Variants in GALNT14 observed in about 807,000 individuals in gnomAD.
GALNT14 encodes UDP-GalNAc:polypeptide N-acetylgalactosaminyltransferase 14.
Under a neutral mutation model 77.5 loss-of-function variants are expected in GALNT14, and 60 were observed. The observed-to-expected ratio is 0.77, with a 90% CI of 0.63 to 0.96. The LOEUF (loss-of-function observed/expected upper bound fraction) is 0.96, where lower values mean the gene tolerates loss of function less well. Among genes scored for constraint, GALNT14 ranks in the 40% least tolerant of loss-of-function variants. The pLI is 0.00. For missense variants in GALNT14, 710 were observed against 731.0 expected, an observed-to-expected ratio of 0.97 and a Z score of 0.33; for synonymous variants, 280 against 281.7, an observed-to-expected ratio of 0.99 and a Z score of 0.06.
At chr2:31,129,332 A>T in intron 1 of GALNT14, 6 of 974,762 alleles carry the variant, frequency 6.2e-6, no homozygotes, top group Non-Finnish European at 7.3e-6. Flanking sequence ...AATGCTTTGT[A>T]AACTGTAAAA....
chr2:31,098,100 G>T (rs1330690565), intron 1 of GALNT14, among the ~76,000 whole-genome samples: 1 of 152,144 alleles, frequency 6.6e-6, no homozygotes, highest in Non-Finnish European at 1.5e-5. Flanking sequence ...TTAAAAAGCT[G>T]CAAAACAAGC....
intron 1 of GALNT14, among the ~76,000 whole-genome samples, chr2:31,053,532 A>T (rs779368889): frequency 6.6e-6 from 1 of 151,800 alleles, no homozygotes; most frequent in Non-Finnish European, 1.5e-5. Context: ...TTTGATCAAG[A>T]CCACTCTTCA....
chr2:30,909,218 TTAAAC>T (rs1176706261), downstream of GALNT14, among the ~76,000 whole-genome samples: 5 of 149,798 alleles, frequency 3.3e-5, no homozygotes, highest in Admixed American at 6.6e-5. Context: ...TGGGATCTAA[TTAAAC>T]TAAAGAGCTT....
chr2:30,955,858 C>T, intron 5 of GALNT14, 54 bp downstream of exon 5: 4 of 1,611,632 alleles, frequency 2.5e-6, no homozygotes, highest in Non-Finnish European at 2.5e-6. Flanking sequence ...ACCATCACAC[C>T]TTCGACCCCC....
At chr2:30,895,264 T>C in the GALNT14 span, among the ~76,000 whole-genome samples, 87 of 152,100 alleles carry the variant, frequency 5.7e-4, no homozygotes, top group Non-Finnish European at 1.5e-5. Flanking sequence ...TTACACACAG[T>C]AGGGGTGGGG....
intron 1 of GALNT14, among the ~76,000 whole-genome samples, chr2:31,083,215 G>A (rs1383562673): frequency 1.3e-5 from 2 of 152,158 alleles, no homozygotes; most frequent in African/African-American, 4.8e-5. Flanking sequence ...TGCCCAGCCT[G>A]ACTGACATGG....
chr2:30,975,254 CAA>C (rs1368119249), intron 2 of GALNT14, among the ~76,000 whole-genome samples: 1 of 152,102 alleles, frequency 6.6e-6, no homozygotes, highest in Non-Finnish European at 1.5e-5. Flanking sequence ...TCTTGTTTAC[CAA>C]AGTTCCAAGA....
intron 2 of GALNT14, among the ~76,000 whole-genome samples, chr2:30,989,579 T>TATATATATATATACACAC (rs1553351610): frequency 1.6e-5 from 2 of 127,218 alleles, no homozygotes; most frequent in South Asian, 4.7e-4. Context: ...TATATATATA[T>TATATATATATATACACAC]ATAAAAATAT....
At chr2:30,903,981 T>G in the GALNT14 span, among the ~76,000 whole-genome samples, 1 of 152,178 alleles carries the variant, frequency 6.6e-6, no homozygotes, top group Non-Finnish European at 1.5e-5. Context: ...AGTAAGAAAC[T>G]TCTATGCTAA....
chr2:30,906,201 A>G (rs1464704823), downstream of GALNT14, among the ~76,000 whole-genome samples: 2 of 151,030 alleles, frequency 1.3e-5, no homozygotes, highest in Non-Finnish European at 3.0e-5. Flanking sequence ...GATCAAATTC[A>G]CACATAACAA....
In GALNT14 at chr2:30,993,139, C is replaced by A. The variant is rs115992977; in HGVS notation, c.130-132G>T. The stretch of plus-strand genomic sequence containing the variant: ...TTTGGCTCAAAGATGGGGTCAGAAG[C>A]AGAACATAAACTAAACCATCAGCAA... On this transcript the variant is annotated intron_variant, in intron 1 of 14. Coordinates refer to ENST00000349752, the MANE Select transcript of GALNT14 (RefSeq NM_024572.4). The A allele has an allele frequency of 1.1e-3, 977 of 861,008 alleles. 4 individuals are homozygous for A. The African/African-American group carries it at 0.015, about 13-fold the overall frequency. 53.3% of individuals were successfully genotyped at this position (861,008 alleles called of 1,614,324 possible). A position where few individuals can be genotyped will look rare whatever the true frequency, so the allele number is the denominator to read the frequency against.
chr2:30,908,289 C>T (rs1664198516), downstream of GALNT14, among the ~76,000 whole-genome samples: 1 of 152,206 alleles, frequency 6.6e-6, no homozygotes, highest in Non-Finnish European at 1.5e-5. Context: ...TTGCAGATGA[C>T]ATGATTGTAT....
At chr2:30,940,726 G>A (rs1196927930) in intron 9 of GALNT14, among the ~76,000 whole-genome samples, 1 of 152,090 alleles carries the variant, frequency 6.6e-6, no homozygotes, top group East Asian at 1.9e-4. Flanking sequence ...AACACCAAAG[G>A]TCCACCTGCT....
chr2:31,083,685 C>T (rs1024718286), intron 1 of GALNT14, among the ~76,000 whole-genome samples: 2 of 152,184 alleles, frequency 1.3e-5, no homozygotes, highest in African/African-American at 4.8e-5. Context: ...GATCTGCTGC[C>T]TCCTTGGACG....
intron 13 of GALNT14, among the ~76,000 whole-genome samples, chr2:30,919,943 TGGG>T (rs1419321169): frequency 6.6e-6 from 1 of 152,132 alleles, no homozygotes. Flanking sequence ...GACCTTGACA[TGGG>T]GGTACAACCT....
intron 1 of GALNT14, among the ~76,000 whole-genome samples, chr2:31,050,219 A>AT (rs1411958820): frequency 6.6e-6 from 1 of 152,220 alleles, no homozygotes; most frequent in Non-Finnish European, 1.5e-5. Context: ...AAGCATCAGC[A>AT]ACAGCCAGCT....
intron 1 of GALNT14, among the ~76,000 whole-genome samples, chr2:31,099,073 C>T (rs953554163): frequency 2.0e-5 from 3 of 152,094 alleles, no homozygotes; most frequent in Non-Finnish European, 4.4e-5. Flanking sequence ...TCTAATTCTA[C>T]AATGCCTCCA....
intron 1 of GALNT14, among the ~76,000 whole-genome samples, chr2:31,130,787 C>CGT (rs1678953697): frequency 9.9e-6 from 1 of 100,622 alleles, no homozygotes; most frequent in African/African-American, 4.7e-5. Flanking sequence ...TGTGTGTGCG[C>CGT]GCGCACCTGT....
chr2:31,064,942 G>A (rs544289880), intron 1 of GALNT14, among the ~76,000 whole-genome samples: 13 of 149,794 alleles, frequency 8.7e-5, no homozygotes, highest in African/African-American at 2.4e-4. Flanking sequence ...CTCTTCGCAC[G>A]TTTAAAGTGA....
Sources: gnomAD v4.1 joint callset for allele counts (sites outside exome capture counted in the v4.1 genomes callset) on GRCh38, gnomAD v4.1.1 for gene constraint, MANE v1.5 for transcripts, NCBI Gene and HGNC (gene_info 2026-07-23, HGNC 2026-07-21) for gene names.